The following ACBD4 variants were observed in gnomAD, a reference collection of about 807,000 sequenced individuals.
ACBD4 encodes acyl-CoA-binding domain-containing protein 4.
Under a neutral mutation model 46.0 loss-of-function variants are expected in ACBD4, and 41 were observed. The observed-to-expected ratio is 0.89, with a 90% CI of 0.69 to 1.16. The LOEUF is 1.16. ACBD4 is among the 50% of genes most tolerant of loss of function. The pLI is 0.00. For missense variants in ACBD4, 393 were observed against 399.5 expected, an observed-to-expected ratio of 0.98 and a Z score of 0.14; for synonymous variants, 162 against 155.9, an observed-to-expected ratio of 1.04 and a Z score of -0.29.
chr17:45,132,263 C>T, upstream of ACBD4: 1 of 1,275,384 alleles, frequency 7.8e-7, no homozygotes, highest in Non-Finnish European at 9.9e-7. The surrounding 1 kb of genome is among the most constrained non-coding windows in gnomAD (Gnocchi z 4.6). Flanking sequence ...TTCTTCAGCG[C>T]CCGCAGCCCG....
chr17:45,134,378 G>C (rs2054653038), upstream of ACBD4, among the ~76,000 whole-genome samples: 2 of 152,246 alleles, frequency 1.3e-5, no homozygotes, highest in African/African-American at 2.4e-5. Flanking sequence ...TTGGGAGGCA[G>C]AGGTGGGATG....
intron 9 of ACBD4, among the ~76,000 whole-genome samples, chr17:45,142,389 C>CAAAAAAAAAAAAAAAAAAAA (rs1161132274): frequency 9.4e-4 from 27 of 28,592 alleles, no homozygotes; most frequent in South Asian, 2.4e-3. Context: ...CAAGACTCCT[C>CAAAAAAAAAAAAAAAAAAAA]AAAAAAAAAA....
intron 6 of ACBD4, 61 bp from the exon 7 acceptor site, chr17:45,137,697 GCA>G (rs2054952203): frequency 1.3e-6 from 2 of 1,575,882 alleles, no homozygotes; most frequent in South Asian, 2.2e-5. Context: ...TCTGCCCAGT[GCA>G]CACTCCTGCT....
In ACBD4 at chr17:45,139,039, C is replaced by T. The variant is rs374803518; in HGVS notation, c.668C>T (p.Pro223Leu). ...PTKKEGLRGS[P>L]PGPQELDVWL... ...TCCGCAGAGGGGTTGCGGGGCAGCCCGCCGGGGCCCCAGGAGTTGGACGTG... is the reference window on the plus strand; with the variant it reads ...TCCGCAGAGGGGTTGCGGGGCAGCCTGCCGGGGCCCCAGGAGTTGGACGTG... The change falls in exon 9 of 10, where the codon CCG becomes CTG. Residue 223 changes from proline (P) to leucine (L), a missense_variant. Physicochemically the swap from Pro to Leu is moderately conservative, Grantham distance 98 (BLOSUM62 -3). Around this residue, in one of 3 missense-constraint regions of ACBD4, gnomAD observed 308 missense variants for 301.8 expected, o/e 1.02. Coordinates refer to ENST00000321854, the MANE Select transcript of ACBD4 (RefSeq NM_001135705.3). 124 of 1,613,358 alleles carry T rather than the reference C, an allele frequency of 7.7e-5. No homozygotes were observed. The African/African-American group carries it at 1.4e-3, about 18-fold the overall frequency.
intron 9 of ACBD4, among the ~76,000 whole-genome samples, chr17:45,141,945 TGAC>T (rs1228328965): frequency 6.6e-6 from 1 of 151,534 alleles, no homozygotes; most frequent in African/African-American, 2.4e-5. Flanking sequence ...AAAAAAAAGC[TGAC>T]TTTTAAATGC....
chr17:45,134,911 C>CT (rs1332641607), upstream of ACBD4, among the ~76,000 whole-genome samples: 6 of 152,022 alleles, frequency 3.9e-5, no homozygotes, highest in African/African-American at 4.8e-5. Flanking sequence ...ATTTCCCCCC[C>CT]TCCCCAGTAC....
upstream of ACBD4, chr17:45,132,589 G>GCGGGGC (rs1449740344): frequency 6.1e-5 from 16 of 263,288 alleles, no homozygotes; most frequent in African/African-American, 3.4e-4. The surrounding 1 kb of genome is among the most constrained non-coding windows in gnomAD (Gnocchi z 4.6). Context: ...AGGGAAGGGG[G>GCGGGGC]CGGGGCCGGG....
upstream of ACBD4, chr17:45,132,695 C>T (rs1429671581): frequency 9.5e-6 from 2 of 210,220 alleles, no homozygotes; most frequent in Non-Finnish European, 1.9e-5. The surrounding 1 kb of genome is among the most constrained non-coding windows in gnomAD (Gnocchi z 4.6). Context: ...CCGGGCGAGC[C>T]TCTGATCTTG....
chr17:45,139,109 G>A lies in ACBD4; in HGVS notation c.738G>A (p.Glu246=), dbSNP rs377303243. 1.1e-5 allele frequency: 18 copies of A among 1,613,890 alleles called. No homozygotes were observed. In the African/African-American group the frequency reaches 2.3e-4, roughly 20 times the overall value. The change falls in exon 9 of 10, where the codon GAG becomes GAA. Residue 246 remains glutamate (E), a synonymous_variant. Transcript: ENST00000321854. ...TVRALQESMQ[E]VQARVQSLES... ...GAGCACTACAGGAGAGCATGCAGGA[G>A]GTGCAGGCGAGGGTGCAGAGCCTGG...
chr17:45,135,324 C>CT (rs1567893936), upstream of ACBD4: 1 of 152,216 alleles, frequency 6.6e-6, no homozygotes, highest in Admixed American at 6.5e-5. Context: ...CAGGACATGA[C>CT]TTTTTTTAAT....
chr17:45,136,577 G>A lies in ACBD4; in HGVS notation c.166G>A (p.Val56Ile). Residue 56 changes from valine (V) to isoleucine (I), a missense_variant, in exon 3 of 10, where the codon GTC becomes ATC. Val to Ile is a conservative substitution (Grantham distance 29). This residue lies in a region of ACBD4 where 24 missense variants were observed against 47.4 expected (regional missense o/e 0.51). Transcript: ENST00000321854. ...GCAGGCCACCATGGGGCCCTGCCTG[G>A]TCCCCCGGCCCGGGTTCTGGGACCC... ...YKQATMGPCLVPRPGFWDPIG... is the reference protein window; with the variant it reads ...YKQATMGPCLIPRPGFWDPIG... 1 of 1,613,966 alleles carries A rather than the reference G, an allele frequency of 6.2e-7. No homozygotes were observed. The highest frequency in any genetic ancestry group is 1.7e-5 in the Admixed American group (1 of 60,018).
In ACBD4 at chr17:45,143,529, C is replaced by G; in HGVS notation, c.876C>G (p.Val292=). ...ALLFFLLWPF[V]VQWLFRMFRT... is the part of the protein sequence containing the mutation. ...TCTTCTTCCTCCTGTGGCCCTTCGT[C>G]GTCCAGTGGCTCTTCCGAATGTTTC... The change falls in exon 10 of 10, where the codon GTC becomes GTG. Residue 292 remains valine (V), a synonymous_variant. Coordinates refer to ENST00000321854, the MANE Select transcript of ACBD4 (RefSeq NM_001135705.3). 6.2e-7 allele frequency: 1 copy of G among 1,614,028 alleles called. No individual in the cohort carries two copies. The highest frequency in any genetic ancestry group is 1.1e-5 in the South Asian group (1 of 91,076).
chr17:45,132,485 G>A (rs1321903984), upstream of ACBD4: 1 of 947,056 alleles, frequency 1.1e-6, no homozygotes, highest in Non-Finnish European at 1.3e-6. This position sits in a 1 kb window ranked among gnomAD's most constrained non-coding sequence, Gnocchi z 4.6. Flanking sequence ...CTCTGGCCCG[G>A]CCCCGGCTCT....
upstream of ACBD4, chr17:45,133,344 T>C (rs2054563470): frequency 6.6e-6 from 1 of 152,078 alleles, no homozygotes; most frequent in Admixed American, 6.6e-5. Context: ...GGCAGAGACA[T>C]GGGCGCACAC....
At chr17:45,139,947 C>T (rs1598091941) in intron 9 of ACBD4, among the ~76,000 whole-genome samples, 1 of 152,176 alleles carries the variant, frequency 6.6e-6, no homozygotes, top group East Asian at 1.9e-4. Flanking sequence ...CCCTGCAAAG[C>T]TGGTACCCAC....
chr17:45,141,859 C>G (rs2055292441), intron 9 of ACBD4, among the ~76,000 whole-genome samples: 1 of 152,114 alleles, frequency 6.6e-6, no homozygotes, highest in Non-Finnish European at 1.5e-5. Context: ...AATATCCAGT[C>G]CCCCATCAAC....
chr17:45,133,514 A>T (rs2143666558), upstream of ACBD4, among the ~76,000 whole-genome samples: 1 of 132,906 alleles, frequency 7.5e-6, no homozygotes, highest in South Asian at 2.4e-4. Context: ...TGGGGTCCTG[A>T]ATTTTCTTTT....
In ACBD4 at chr17:45,139,147, G is replaced by C. The variant is rs769377488; in HGVS notation, c.776G>C (p.Arg259Pro). 1 of 1,613,556 alleles carries C rather than the reference G, an allele frequency of 6.2e-7. No homozygotes were observed. The highest frequency in any genetic ancestry group is 8.5e-7 in the Non-Finnish European group (1 of 1,180,000). Residue 259 changes from arginine (R) to proline (P), a missense_variant, in exon 9 of 10, where the codon CGG (arginine) becomes CCG (proline). Transcript: ENST00000321854. Reference sequence around the variant, plus strand: ...GTGCAGAGCCTGGAGAGCATGCCCCGGCCCCCTGAGCAGGTAGAGTCCCCC... The same window carrying C: ...GTGCAGAGCCTGGAGAGCATGCCCCCGCCCCCTGAGCAGGTAGAGTCCCCC... ...ARVQSLESMP[R>P]PPEQRPQPRP... is the part of the protein sequence containing the mutation.
chr17:45,139,244 G>A, intron 9 of ACBD4, 84 bp downstream of exon 9: 3 of 1,427,918 alleles, frequency 2.1e-6, no homozygotes, highest in Middle Eastern at 1.8e-4. Flanking sequence ...TTTTGTTTTT[G>A]TCCTCACGCC....
Sources: gnomAD v4.1 joint callset for allele counts (sites outside exome capture counted in the v4.1 genomes callset) on GRCh38, gnomAD v4.1.1 for gene constraint, gnomAD v4.1.1 regional missense constraint, Gnocchi (gnomAD v3.1) non-coding constraint, MANE v1.5 for transcripts, NCBI Gene and HGNC (gene_info 2026-07-23, HGNC 2026-07-21) for gene names.